The following CSMD1 variants were observed in gnomAD, a reference collection of about 807,000 sequenced individuals.
CSMD1 encodes the protein CUB and Sushi multiple domains 1, also known as CUB and sushi domain-containing protein 1.
A neutral mutation model predicts 417.5 loss-of-function variants in CSMD1; 213 were observed. The observed-to-expected ratio is 0.51, with a 90% CI of 0.46 to 0.57. The LOEUF is 0.57. Ranked by LOEUF, CSMD1 falls within the 20% of genes least tolerant of loss-of-function variation. CSMD1 has a pLI of 0.00. For synonymous variants in CSMD1, 2,862 were observed against 1,736.8 expected (o/e 1.65, Z -16.11); for missense variants, 6,923 against 4,529.7 (o/e 1.53, Z -15.17).
intron 3 of CSMD1, among the ~76,000 whole-genome samples, chr8:4,079,389 G>C (rs562313048): frequency 6.6e-6 from 1 of 152,232 alleles, no homozygotes; most frequent in African/African-American, 2.4e-5. Context: ...ATTCTATTCA[G>C]TTTTGTCATG....
intron 26 of CSMD1, among the ~76,000 whole-genome samples, chr8:3,269,126 G>T (rs1169766399): frequency 6.6e-6 from 1 of 152,210 alleles, no homozygotes; most frequent in Non-Finnish European, 1.5e-5. Context: ...AGCTAAACCA[G>T]CATCTTACTT....
chr8:3,927,086 A>G (rs1245275224), intron 5 of CSMD1, among the ~76,000 whole-genome samples: 2 of 151,968 alleles, frequency 1.3e-5, no homozygotes, highest in Non-Finnish European at 2.9e-5. Context: ...TATTGTAATT[A>G]TCTTTAGGTA....
Position 3,110,267 on chromosome 8 carries a change from G to T in CSMD1, c.6499C>A (p.Pro2167Thr), listed in dbSNP as rs1428877829. The T allele has an allele frequency of 6.2e-7, 1 of 1,613,462 alleles. No individual in the cohort carries two copies. The highest frequency in any genetic ancestry group is 8.5e-7 in the Non-Finnish European group (1 of 1,179,646). The change falls in exon 43 of 70, where the codon CCG (proline) becomes ACG (threonine). Residue 2167 changes from proline (P) to threonine (T), a missense_variant. Physicochemically the swap from Pro to Thr is conservative, Grantham distance 38. Coordinates refer to ENST00000635120, the MANE Select transcript of CSMD1 (RefSeq NM_033225.6). ...IYSPGFPDEY[P>T]ILKDCIWLIT... ...AGCCAAATGCAGTCCTTCAGGATCG[G>T]ATACTCATCAGGAAAGCCAGGGGAG...
chr8:4,008,592 CT>C (rs1201409236), intron 4 of CSMD1, among the ~76,000 whole-genome samples: 4 of 86,596 alleles, frequency 4.6e-5, no homozygotes, highest in African/African-American at 8.5e-5. Context: ...TATTTTCTTT[CT>C]TTTTTTCTTT....
chr8:3,396,438 T>C (rs1378669670), intron 16 of CSMD1, 57 bp from the exon 17 acceptor site: 5 of 1,256,648 alleles, frequency 4.0e-6, no homozygotes, highest in Non-Finnish European at 5.5e-6. Flanking sequence ...CTTACAGACG[T>C]GCTCCTGACA....
At chr8:3,849,025 A>T (rs1226226578) in intron 5 of CSMD1, among the ~76,000 whole-genome samples, 1 of 151,984 alleles carries the variant, frequency 6.6e-6, no homozygotes, top group Admixed American at 6.6e-5. Flanking sequence ...CTCTGCTCAT[A>T]TAAACTTAAA....
At chr8:3,974,306 T>C (rs963271113) in intron 5 of CSMD1, among the ~76,000 whole-genome samples, 1 of 151,628 alleles carries the variant, frequency 6.6e-6, no homozygotes, top group Non-Finnish European at 1.5e-5. Flanking sequence ...TTTTTTGATT[T>C]TTTATTCCTT....
intron 2 of CSMD1, among the ~76,000 whole-genome samples, chr8:4,526,367 C>A (rs1486201007): frequency 6.6e-6 from 1 of 152,216 alleles, no homozygotes; most frequent in Non-Finnish European, 1.5e-5. Context: ...CCATGAAGAT[C>A]GTGGTCTCCT....
At chr8:3,563,694 G>C (rs192702851) in intron 10 of CSMD1, among the ~76,000 whole-genome samples, 1 of 152,166 alleles carries the variant, frequency 6.6e-6, no homozygotes, top group East Asian at 1.9e-4. Flanking sequence ...TTCGAGACCA[G>C]CCTGGCCAAT....
intron 1 of CSMD1, among the ~76,000 whole-genome samples, chr8:4,889,617 G>T (rs1229590785): frequency 6.6e-6 from 1 of 151,988 alleles, no homozygotes. Context: ...ATAATGACTG[G>T]CTTAAGGTTA....
intron 54 of CSMD1, among the ~76,000 whole-genome samples, chr8:2,997,211 T>C (rs1806983904): frequency 6.6e-6 from 1 of 152,234 alleles, no homozygotes; most frequent in Non-Finnish European, 1.5e-5. Context: ...AGTCTTTACT[T>C]AGCCTTTGAG....
intron 3 of CSMD1, among the ~76,000 whole-genome samples, chr8:4,350,332 G>A (rs574567831): frequency 6.6e-6 from 1 of 152,058 alleles, no homozygotes. Flanking sequence ...CACACCTGAG[G>A]GGCACACAAA....
At chr8:4,250,941 G>C (rs1803027109) in intron 3 of CSMD1, among the ~76,000 whole-genome samples, 2 of 152,118 alleles carry the variant, frequency 1.3e-5, no homozygotes, top group South Asian at 2.1e-4. Context: ...CTTTTCTTCA[G>C]ATGACACGTT....
At chr8:4,766,132 A>G (rs1487427293) in intron 1 of CSMD1, among the ~76,000 whole-genome samples, 2 of 152,218 alleles carry the variant, frequency 1.3e-5, no homozygotes, top group Admixed American at 1.3e-4. Flanking sequence ...AACTTTTGAT[A>G]AAATGTACAA....
intron 2 of CSMD1, among the ~76,000 whole-genome samples, chr8:4,453,207 A>G (rs1255397174): frequency 3.0e-5 from 3 of 101,548 alleles, no homozygotes; most frequent in Non-Finnish European, 6.6e-5. Flanking sequence ...CCACACAGAC[A>G]CACACAGAGA....
At chr8:4,108,085 CAG>C (rs1475232534) in intron 3 of CSMD1, among the ~76,000 whole-genome samples, 7 of 112,592 alleles carry the variant, frequency 6.2e-5, no homozygotes, top group Admixed American at 1.8e-4. Flanking sequence ...GAGAGAGAGA[CAG>C]AGAGAGAACA....
chr8:4,295,914 A>G (rs1797656770), intron 3 of CSMD1, among the ~76,000 whole-genome samples: 1 of 151,158 alleles, frequency 6.6e-6, no homozygotes, highest in South Asian at 2.1e-4. Context: ...TTCACTAATT[A>G]CTCCCATCTC....
At chr8:4,067,880 C>G (rs1039436867) in intron 3 of CSMD1, among the ~76,000 whole-genome samples, 1 of 152,044 alleles carries the variant, frequency 6.6e-6, no homozygotes, top group African/African-American at 2.4e-5. Flanking sequence ...AGATGGAGAC[C>G]ATCCTGGCCA....
At chr8:4,631,829 C>G (rs2447696) in intron 2 of CSMD1, among the ~76,000 whole-genome samples, 131,236 of 152,152 alleles carry the variant, frequency 0.86, 56,938 homozygotes, top group African/African-American at 0.95. Flanking sequence ...GAAAGACCGA[C>G]GAACTCGAGA....
Sources: gnomAD v4.1 joint callset for allele counts (sites outside exome capture counted in the v4.1 genomes callset) on GRCh38, gnomAD v4.1.1 for gene constraint, MANE v1.5 for transcripts, NCBI Gene and HGNC (gene_info 2026-07-23, HGNC 2026-07-21) for gene names.